The following CPB1 variants were observed in gnomAD, a reference collection of about 807,000 sequenced individuals.
The protein encoded by CPB1 is carboxypeptidase B.
CPB1 carries 53 observed loss-of-function variants against 51.4 expected under a neutral mutation model. The ratio of observed to expected loss-of-function variants is 1.03; its 90% CI spans 0.83 to 1.30. The LOEUF (loss-of-function observed/expected upper bound fraction) is 1.30, where lower values mean the gene tolerates loss of function less well. Ranked by LOEUF, CPB1 falls within the 50% of genes most tolerant of loss-of-function variation. CPB1 has a pLI of 0.00. For synonymous variants in CPB1, 189 were observed against 186.9 expected (o/e 1.01, Z -0.09); for missense variants, 494 against 516.2 (o/e 0.96, Z 0.42).
At chr3:148,845,133 T>G (rs1349617208) in intron 8 of CPB1, among the ~76,000 whole-genome samples, 1 of 152,132 alleles carries the variant, frequency 6.6e-6, no homozygotes, top group African/African-American at 2.4e-5. Flanking sequence ...TATTAGTTTG[T>G]CCCTTACTTA....
chr3:148,844,578 C>A lies in CPB1; in HGVS notation c.677C>A (p.Thr226Asn). The A allele has an allele frequency of 6.2e-7, 1 of 1,613,656 alleles. No individual in the cohort carries two copies. The highest frequency in any genetic ancestry group is 8.5e-7 in the Non-Finnish European group (1 of 1,179,592). The change falls in exon 7 of 11, where the codon ACC (threonine) becomes AAC (asparagine). Residue 226 changes from threonine to asparagine, a missense_variant. Physicochemically the swap from Thr to Asn is moderately conservative, Grantham distance 65. Transcript: ENST00000282957. ...CTCAATATTGATGGCTACATCTACA[C>A]CTGGACCAAGGTATATGCACCAATA... The part of the protein sequence containing the change: ...PVLNIDGYIY[T>N]WTKSRFWRKT...
intron 2 of CPB1, among the ~76,000 whole-genome samples, chr3:148,834,283 TAATC>T (rs759207614): frequency 7.9e-5 from 12 of 152,250 alleles, no homozygotes; most frequent in Non-Finnish European, 1.5e-4. Context: ...TGTTCATTGA[TAATC>T]AATCAAGGTT....
chr3:148,844,619 G>A, intron 7 of CPB1, 31 bp downstream of exon 7: 1 of 1,612,216 alleles, frequency 6.2e-7, no homozygotes. Flanking sequence ...AGAGGCTGAT[G>A]AAATTAAAAC....
intron 9 of CPB1, chr3:148,856,441 G>A (rs1291107566): frequency 6.6e-6 from 1 of 152,168 alleles, no homozygotes; most frequent in Non-Finnish European, 1.5e-5. Context: ...TTCCTACTTT[G>A]TAAAAATCAT....
At chr3:148,847,128 C>CAT (rs1353920549) in intron 9 of CPB1, among the ~76,000 whole-genome samples, 10 of 150,710 alleles carry the variant, frequency 6.6e-5, no homozygotes, top group African/African-American at 1.2e-4. Flanking sequence ...GTAGCAATAA[C>CAT]ATATATATAT....
intron 9 of CPB1, among the ~76,000 whole-genome samples, chr3:148,853,273 C>G (rs1469371641): frequency 1.3e-5 from 2 of 152,266 alleles, no homozygotes; most frequent in East Asian, 3.9e-4. Flanking sequence ...GAAGAGGCAG[C>G]CCCCTGTCAT....
rs1713050602 is a variant in CPB1, at chr3:148,840,733, G to C, written c.320G>C (p.Ser107Thr). 1.2e-6 allele frequency: 2 copies of C among 1,614,186 alleles called. No individual in the cohort carries two copies. The highest frequency in any genetic ancestry group is 1.7e-6 in the Non-Finnish European group (2 of 1,180,020). ...AATGTGGTGGAGGCTCAGTTTGATAGCCGGGTTCGTGCAACAGGACACAGT... is the reference window on the plus strand; with the variant it reads ...AATGTGGTGGAGGCTCAGTTTGATACCCGGGTTCGTGCAACAGGACACAGT... Reference protein sequence around the residue: ...LRNVVEAQFDSRVRATGHSYE... With the variant: ...LRNVVEAQFDTRVRATGHSYE... The change falls in exon 4 of 11, where the codon AGC becomes ACC. Residue 107 changes from serine (S) to threonine (T), a missense_variant. Ser to Thr is a moderately conservative substitution (Grantham distance 58). Coordinates refer to ENST00000282957, the MANE Select transcript of CPB1 (RefSeq NM_001871.3).
Position 148,845,674 on chromosome 3 carries a change from A to T in CPB1, c.981+48A>T, listed in dbSNP as rs564586318. ...TGACATTTTACTATTGAGATTTTTTAAATTCTAATCCTGAAAAAAAAATCA... is the reference window on the plus strand; with the variant it reads ...TGACATTTTACTATTGAGATTTTTTTAATTCTAATCCTGAAAAAAAAATCA... On this transcript the variant is annotated intron_variant, in intron 9 of 10. Transcript: ENST00000282957. The T allele has an allele frequency of 8.3e-6, 12 of 1,442,468 alleles. No individual in the cohort carries two copies. The East Asian group carries it at 2.8e-4, about 33-fold the overall frequency. The allele number at this position is 1,442,468 out of a possible 1,614,324, so 89.4% of individuals were successfully genotyped here. A position where few individuals can be genotyped will look rare whatever the true frequency, so the allele number is the denominator to read the frequency against.
At chr3:148,844,156 AGTT>A (rs1713165112) in intron 6 of CPB1, among the ~76,000 whole-genome samples, 2 of 152,206 alleles carry the variant, frequency 1.3e-5, no homozygotes, top group African/African-American at 4.8e-5. Context: ...AAGCTATTGT[AGTT>A]GTTATCTTAA....
chr3:148,840,932 T>C lies in CPB1; in HGVS notation c.431T>C (p.Val144Ala), dbSNP rs1210530552. ...TENPALISRS[V>A]IGTTFEGRAI... ...AATCCAGCCCTCATCTCTCGCAGTG[T>C]TATCGGAACCACATTTGAGGGACGC... is the stretch of plus-strand genomic sequence containing the variant. The change falls in exon 5 of 11, where the codon GTT (valine) becomes GCT (alanine). Residue 144 changes from valine to alanine, a missense_variant. Coordinates refer to ENST00000282957, the MANE Select transcript of CPB1 (RefSeq NM_001871.3). The C allele has an allele frequency of 6.2e-7, 1 of 1,614,102 alleles. No homozygotes were observed. The highest frequency in any genetic ancestry group is 1.7e-5 in the Admixed American group (1 of 60,024).
At chr3:148,834,152 G>T (rs1355021288) in intron 2 of CPB1, among the ~76,000 whole-genome samples, 1 of 152,122 alleles carries the variant, frequency 6.6e-6, no homozygotes, top group African/African-American at 2.4e-5. Context: ...CTGGCACATA[G>T]ATCCATTACC....
chr3:148,845,464 T>C lies in CPB1; in HGVS notation c.819T>C (p.Cys273=). 1.2e-6 allele frequency: 2 copies of C among 1,613,932 alleles called. No individual in the cohort carries two copies. Among genetic ancestry groups the C allele is most frequent in the Non-Finnish European group, 1.7e-6 (2 of 1,179,832 alleles). Residue 273 remains cysteine (C), a synonymous_variant, in exon 9 of 11, where the codon TGT becomes TGC. Transcript: ENST00000282957. ...ASRNPCDETY[C]GPAAESEKET... ...GAAACCCCTGTGATGAAACTTACTG[T>C]GGACCTGCCGCAGAGTCTGAAAAGG...
intron 3 of CPB1, among the ~76,000 whole-genome samples, chr3:148,834,929 A>G (rs1338919268): frequency 6.6e-6 from 1 of 152,224 alleles, no homozygotes; most frequent in South Asian, 2.1e-4. Context: ...TGGATACTCT[A>G]TTCTCAGCTA....
intron 6 of CPB1, among the ~76,000 whole-genome samples, chr3:148,842,669 G>A (rs972861699): frequency 6.6e-6 from 1 of 152,202 alleles, no homozygotes; most frequent in African/African-American, 2.4e-5. Flanking sequence ...CAAATCCACA[G>A]ATGGATGTAA....
rs185012487 is a variant in CPB1, at chr3:148,841,061, G to A, written c.474+86G>A. On this transcript the variant is annotated intron_variant, in intron 5 of 10. Transcript: ENST00000282957. ...ACATGAACATCTGTTTCACAGACAC[G>A]CTTATCCCAAACATTGTTATAACTC... is the stretch of plus-strand genomic sequence containing the variant. 4,159 of 1,092,252 alleles carry A rather than the reference G, an allele frequency of 3.8e-3. 18 individuals are homozygous for A. Among genetic ancestry groups the A allele is most frequent in the Non-Finnish European group, 4.8e-3 (3,531 of 735,372 alleles). The allele number at this position is 1,092,252 out of a possible 1,614,324, so 67.7% of individuals were successfully genotyped here.
intron 2 of CPB1, among the ~76,000 whole-genome samples, chr3:148,832,646 T>G (rs942019350): frequency 6.6e-6 from 1 of 152,352 alleles, no homozygotes; most frequent in Admixed American, 6.5e-5. Flanking sequence ...TTCAGAATTA[T>G]CCCACCTGAG....
intron 8 of CPB1, 46 bp from the exon 9 acceptor site, chr3:148,845,378 A>G (rs370897496): frequency 6.4e-7 from 1 of 1,565,446 alleles, no homozygotes; most frequent in South Asian, 1.1e-5. Context: ...TCCCCACAAG[A>G]ACTTCACTAG....
At chr3:148,841,646 G>A (rs1173158606) in intron 5 of CPB1, among the ~76,000 whole-genome samples, 177 bp from the exon 6 acceptor site, 1 of 152,210 alleles carries the variant, frequency 6.6e-6, no homozygotes, top group Non-Finnish European at 1.5e-5. Context: ...CAAACATTGT[G>A]AGTCTAGAAG....
At chr3:148,837,943 G>A (rs1228947343) in intron 3 of CPB1, among the ~76,000 whole-genome samples, 1 of 152,062 alleles carries the variant, frequency 6.6e-6, no homozygotes, top group Non-Finnish European at 1.5e-5. Flanking sequence ...CACAGTCACT[G>A]ATCCTCCTAA....
Sources: gnomAD v4.1 joint callset for allele counts (sites outside exome capture counted in the v4.1 genomes callset) on GRCh38, gnomAD v4.1.1 for gene constraint, MANE v1.5 for transcripts, NCBI Gene and HGNC (gene_info 2026-07-23, HGNC 2026-07-21) for gene names.